Variants in LRMDA observed in about 807,000 individuals in gnomAD.
The protein encoded by LRMDA is leucine-rich melanocyte differentiation-associated protein.
A neutral mutation model predicts 29.8 loss-of-function variants in LRMDA; 18 were observed. That is an observed-to-expected ratio of 0.60 (90% CI 0.42 to 0.90). LRMDA has a LOEUF of 0.90. Ranked by LOEUF, LRMDA falls within the 40% of genes least tolerant of loss-of-function variation. The probability of loss-of-function intolerance (pLI) is 0.00; values close to 1 mark genes in which losing one functional copy is unlikely to be tolerated. For synonymous variants in LRMDA, 125 were observed against 109.4 expected, an observed-to-expected ratio of 1.14 and a Z score of -0.89; for missense variants, 273 against 273.9, an observed-to-expected ratio of 1.00 and a Z score of 0.02.
intron 2 of LRMDA, among the ~76,000 whole-genome samples, chr10:75,771,818 G>C (rs1362118132): frequency 6.6e-5 from 10 of 152,130 alleles, no homozygotes; most frequent in Admixed American, 6.5e-4. Flanking sequence ...GAATCACCAG[G>C]TGTGGGAAAG....
At chr10:76,543,519 T>C (rs771604756) in intron 6 of LRMDA, among the ~76,000 whole-genome samples, 2 of 151,994 alleles carry the variant, frequency 1.3e-5, no homozygotes, top group Admixed American at 1.3e-4. Context: ...AAAAATCAGG[T>C]TGATTGATCA....
At chr10:76,159,946 A>T (rs982895122) in intron 5 of LRMDA, among the ~76,000 whole-genome samples, 1 of 152,158 alleles carries the variant, frequency 6.6e-6, no homozygotes, top group Admixed American at 6.6e-5. Flanking sequence ...TGATAGTGTG[A>T]TGACTGATAC....
chr10:76,431,973 G>A (rs1185674738), intron 6 of LRMDA, among the ~76,000 whole-genome samples: 1 of 152,176 alleles, frequency 6.6e-6, no homozygotes, highest in East Asian at 1.9e-4. Context: ...CCCCAGCCAC[G>A]TGAAACTGTA....
intron 2 of LRMDA, among the ~76,000 whole-genome samples, chr10:75,659,948 C>T (rs1462409128): frequency 2.0e-5 from 3 of 152,110 alleles, no homozygotes; most frequent in Admixed American, 6.5e-5. Flanking sequence ...GATGCATATA[C>T]CTTACTCTTG....
intron 2 of LRMDA, among the ~76,000 whole-genome samples, chr10:75,597,057 T>C (rs1341361099): frequency 6.6e-6 from 1 of 152,004 alleles, no homozygotes; most frequent in East Asian, 1.9e-4. Flanking sequence ...GCTTTCTCTC[T>C]TTGAGTCCCG....
At chr10:75,966,885 A>G (rs1208833087) in intron 2 of LRMDA, among the ~76,000 whole-genome samples, 1 of 152,198 alleles carries the variant, frequency 6.6e-6, no homozygotes, top group East Asian at 1.9e-4. Flanking sequence ...TAGGGAAGGT[A>G]CCTCCTTAGC....
At chr10:76,138,014 A>G (rs71473797) in intron 5 of LRMDA, among the ~76,000 whole-genome samples, 2,379 of 152,278 alleles carry the variant, frequency 0.016, 27 homozygotes, top group Non-Finnish European at 0.024. Flanking sequence ...AGGATAGCTC[A>G]TAGGAGTTGT....
chr10:75,935,110 T>G (rs1415688247), intron 2 of LRMDA, among the ~76,000 whole-genome samples: 1 of 152,148 alleles, frequency 6.6e-6, no homozygotes, highest in Non-Finnish European at 1.5e-5. Context: ...AGAATCCTTT[T>G]TCTTTCCCGT....
intron 5 of LRMDA, among the ~76,000 whole-genome samples, chr10:76,103,433 CG>C (rs1306495948): frequency 6.6e-6 from 1 of 152,132 alleles, no homozygotes; most frequent in Non-Finnish European, 1.5e-5. Flanking sequence ...CTTCTGATCC[CG>C]GGGGCCTCTG....
chr10:75,662,357 G>A (rs1243461307), intron 2 of LRMDA, among the ~76,000 whole-genome samples: 1 of 152,150 alleles, frequency 6.6e-6, no homozygotes, highest in East Asian at 1.9e-4. Flanking sequence ...GCTACTACAG[G>A]TTTCGTTATT....
chr10:76,518,151 A>G (rs1468179929), intron 6 of LRMDA, among the ~76,000 whole-genome samples: 1 of 151,990 alleles, frequency 6.6e-6, no homozygotes, highest in East Asian at 1.9e-4. Flanking sequence ...AAATATATGT[A>G]TGAAAATATA....
At chr10:76,413,380 T>G (rs1240774066) in intron 6 of LRMDA, among the ~76,000 whole-genome samples, 2 of 152,174 alleles carry the variant, frequency 1.3e-5, no homozygotes. Flanking sequence ...TCTACCTGGC[T>G]GGGGAGACCT....
At chr10:75,878,618 G>C (rs2132340701) in intron 2 of LRMDA, among the ~76,000 whole-genome samples, 1 of 152,264 alleles carries the variant, frequency 6.6e-6, no homozygotes, top group Middle Eastern at 3.4e-3. Flanking sequence ...TGGTGGGCCA[G>C]AGTGGTCTTG....
At chr10:75,690,470 A>G (rs1035376772) in intron 2 of LRMDA, among the ~76,000 whole-genome samples, 4 of 151,994 alleles carry the variant, frequency 2.6e-5, no homozygotes, top group African/African-American at 9.7e-5. Context: ...ATGCCAAGCT[A>G]ATTTTATATT....
At chr10:76,533,325 C>A (rs1194621270) in intron 6 of LRMDA, among the ~76,000 whole-genome samples, 1 of 152,174 alleles carries the variant, frequency 6.6e-6, no homozygotes, top group African/African-American at 2.4e-5. Flanking sequence ...CCGGATTCAA[C>A]TGGATTCATT....
intron 5 of LRMDA, among the ~76,000 whole-genome samples, chr10:76,225,445 C>A (rs1416898257): frequency 6.6e-6 from 1 of 151,938 alleles, no homozygotes; most frequent in Non-Finnish European, 1.5e-5. Flanking sequence ...TATTTGATCC[C>A]CAGTGTTGGA....
chr10:75,860,016 G>C (rs1844894881), intron 2 of LRMDA, among the ~76,000 whole-genome samples: 1 of 152,004 alleles, frequency 6.6e-6, no homozygotes, highest in African/African-American at 2.4e-5. Flanking sequence ...TAAGTATTTT[G>C]AAATACTGTT....
intron 2 of LRMDA, among the ~76,000 whole-genome samples, chr10:75,881,263 T>A (rs1288923791): frequency 6.6e-6 from 1 of 152,178 alleles, no homozygotes; most frequent in Non-Finnish European, 1.5e-5. Context: ...GCTGCCCTCC[T>A]GGAGCTCACC....
intron 2 of LRMDA, among the ~76,000 whole-genome samples, chr10:75,464,956 T>C (rs1844631088): frequency 6.6e-6 from 1 of 152,246 alleles, no homozygotes; most frequent in Non-Finnish European, 1.5e-5. Context: ...GGTATTTTGC[T>C]GAGGGAACTC....
Sources: allele counts gnomAD v4.1 joint callset (sites outside exome capture counted in the v4.1 genomes callset), GRCh38; gene constraint gnomAD v4.1.1; transcripts MANE v1.5; gene names NCBI Gene and HGNC (gene_info 2026-07-23, HGNC 2026-07-21).